SNX9: variants seen among roughly 807,000 people sequenced by gnomAD.
The protein encoded by SNX9 is sorting nexin 9.
Under a neutral mutation model 89.4 loss-of-function variants are expected in SNX9, and 44 were observed. The observed-to-expected ratio is 0.49, with a 90% CI of 0.39 to 0.63. SNX9 has a LOEUF of 0.63. SNX9 is among the 30% of genes least tolerant of loss of function. SNX9 has a pLI of 0.00. For synonymous variants in SNX9, 236 were observed against 247.8 expected (o/e 0.95, Z 0.45); for missense variants, 578 against 736.1 (o/e 0.79, Z 2.49).
chr6:157,921,472 T>A, intron 9 of SNX9, 59 bp from the exon 10 acceptor site: 1 of 1,570,356 alleles, frequency 6.4e-7, no homozygotes, highest in Non-Finnish European at 8.7e-7. Context: ...AGTTACAGTA[T>A]GGTAACAGTC....
rs1022939882 is a variant in SNX9, at chr6:157,944,368, A to C, written c.*1530A>C. 7 of 152,676 alleles carry C rather than the reference A, an allele frequency of 4.6e-5. No individual in the cohort carries two copies. Among genetic ancestry groups the C allele is most frequent in the Admixed American group, 4.6e-4 (7 of 15,284 alleles). 9.5% of individuals were successfully genotyped at this position (152,676 alleles called of 1,614,324 possible). A position where few individuals can be genotyped will look rare whatever the true frequency, so the allele number is the denominator to read the frequency against. ...ATTCTCCCCACTTGATTTTTCTTCT[A>C]TAAAATCCCATAGAACAATGTTTAT... On this transcript the variant is annotated 3_prime_UTR_variant, in exon 18 of 18. Coordinates refer to ENST00000392185, the MANE Select transcript of SNX9 (RefSeq NM_016224.5).
At chr6:157,854,538 A>G (rs1354384396) in intron 1 of SNX9, among the ~76,000 whole-genome samples, 1 of 152,254 alleles carries the variant, frequency 6.6e-6, no homozygotes, top group Non-Finnish European at 1.5e-5. Context: ...CTAGTTGTGT[A>G]CATGCAAACA....
chr6:157,854,927 T>C (rs1356290593), intron 1 of SNX9, among the ~76,000 whole-genome samples: 1 of 151,358 alleles, frequency 6.6e-6, no homozygotes, highest in Non-Finnish European at 1.5e-5. Context: ...ATTTTTAATT[T>C]TTTTGACGGG....
chr6:157,878,468 C>T (rs3792936), intron 4 of SNX9, among the ~76,000 whole-genome samples: 7,513 of 147,928 alleles, frequency 0.051, 214 homozygotes, highest in East Asian at 0.11. Context: ...CTCGCTCAGT[C>T]GCTCAGGCTG....
intron 5 of SNX9, among the ~76,000 whole-genome samples, chr6:157,897,646 T>C (rs1229890378): frequency 6.6e-6 from 1 of 152,090 alleles, no homozygotes; most frequent in Non-Finnish European, 1.5e-5. Context: ...TAGCTGGAAT[T>C]ACAGGAGCCC....
chr6:157,912,638 G>A (rs559307330), intron 9 of SNX9, among the ~76,000 whole-genome samples: 3 of 152,200 alleles, frequency 2.0e-5, no homozygotes, highest in East Asian at 3.9e-4. Flanking sequence ...TTCCCCTCTC[G>A]CTCAACTACT....
At chr6:157,848,443 G>A (rs1277866263) in intron 1 of SNX9, among the ~76,000 whole-genome samples, 1 of 152,164 alleles carries the variant, frequency 6.6e-6, no homozygotes, top group Non-Finnish European at 1.5e-5. Context: ...TTGGCATTTT[G>A]CAAAATAAAG....
intron 12 of SNX9, among the ~76,000 whole-genome samples, chr6:157,929,988 A>T (rs1366980892): frequency 6.6e-6 from 1 of 152,154 alleles, no homozygotes. Context: ...ATTTATTTGT[A>T]TATTGTCTTT....
intron 9 of SNX9, among the ~76,000 whole-genome samples, chr6:157,914,065 A>G (rs529528318): frequency 5.1e-4 from 78 of 152,314 alleles, no homozygotes; most frequent in Non-Finnish European, 9.0e-4. Context: ...AAATTGCCCA[A>G]CTGTTTTTCA....
intron 1 of SNX9, among the ~76,000 whole-genome samples, chr6:157,844,600 G>GTTTTTTTGTTTTTTTTTTTTTTTTT: frequency 7.6e-6 from 1 of 131,832 alleles, no homozygotes; most frequent in East Asian, 2.3e-4. Context: ...TTTTTTTTTT[G>GTTTTTTTGTTTTTTTTTTTTTTTTT]TTTTTTTTTT....
chr6:157,915,087 G>GA (rs951234133), intron 9 of SNX9, among the ~76,000 whole-genome samples: 4 of 151,710 alleles, frequency 2.6e-5, no homozygotes, highest in African/African-American at 4.8e-5. Context: ...GTTTGTAAGA[G>GA]AAAAAAAATC....
At chr6:157,863,551 A>G (rs889340142) in intron 1 of SNX9, among the ~76,000 whole-genome samples, 2 of 152,246 alleles carry the variant, frequency 1.3e-5, no homozygotes, top group African/African-American at 4.8e-5. Context: ...GTGGAAATTT[A>G]GCTCTTAGAA....
intron 6 of SNX9, among the ~76,000 whole-genome samples, chr6:157,903,298 ATCTAGG>A (rs1299678240): frequency 2.0e-5 from 3 of 152,222 alleles, no homozygotes; most frequent in African/African-American, 7.2e-5. Context: ...AGACATCAAG[ATCTAGG>A]TCTAGATCTA....
rs575512809 is a variant in SNX9 at position 157,836,632 on chromosome 6, C to A, written c.12+13186C>A. ...TTTTGATACAGAGTCTTACTCTCGC[C>A]CAGGCTGGAGTGCAGTGGCGCGATC... On this transcript the variant is annotated intron_variant, in intron 1 of 17. Coordinates refer to ENST00000392185, the MANE Select transcript of SNX9 (RefSeq NM_016224.5). Among the ~76,000 whole-genome samples, 5 of 151,792 alleles carry A rather than the reference C, an allele frequency of 3.3e-5. No homozygotes were observed. The South Asian group carries it at 1.0e-3, about 32-fold the overall frequency.
At chr6:157,858,802 G>A (rs549702045) in intron 1 of SNX9, among the ~76,000 whole-genome samples, 1 of 152,288 alleles carries the variant, frequency 6.6e-6, no homozygotes, top group South Asian at 2.1e-4. Flanking sequence ...GAGAGCTTGT[G>A]CAGGGGGACT....
At chr6:157,835,739 G>A (rs1781569923) in intron 1 of SNX9, among the ~76,000 whole-genome samples, 1 of 152,088 alleles carries the variant, frequency 6.6e-6, no homozygotes, top group Non-Finnish European at 1.5e-5. Flanking sequence ...CTGCCACCTT[G>A]TGAAGAAGGT....
At chr6:157,892,865 T>G (rs1386268657) in intron 4 of SNX9, 2 of 152,168 alleles carry the variant, frequency 1.3e-5, no homozygotes, top group Admixed American at 1.3e-4. Context: ...TCCAGACCAC[T>G]CACTTCTGAA....
intron 4 of SNX9, among the ~76,000 whole-genome samples, chr6:157,885,752 A>G (rs1450038817): frequency 6.6e-6 from 1 of 152,190 alleles, no homozygotes; most frequent in Non-Finnish European, 1.5e-5. Context: ...CAAGATAATA[A>G]CATAGAAAGT....
At chr6:157,934,433 T>C (rs1313529635) in intron 13 of SNX9, among the ~76,000 whole-genome samples, 1 of 152,122 alleles carries the variant, frequency 6.6e-6, no homozygotes, top group Non-Finnish European at 1.5e-5. Flanking sequence ...GAAAAAAAAT[T>C]TCTAATCAAA....
Sources: gnomAD v4.1 joint callset for allele counts (sites outside exome capture counted in the v4.1 genomes callset) on GRCh38, gnomAD v4.1.1 for gene constraint, MANE v1.5 for transcripts, NCBI Gene and HGNC (gene_info 2026-07-23, HGNC 2026-07-21) for gene names.